Variants in KIAA1217 observed in about 807,000 individuals in gnomAD.
KIAA1217 encodes the protein KIAA1217, also known as sickle tail protein homolog.
A neutral mutation model predicts 163.9 loss-of-function variants in KIAA1217; 88 were observed. The ratio of observed to expected loss-of-function variants is 0.54; its 90% CI spans 0.45 to 0.64. The LOEUF is 0.64. Among genes scored for constraint, KIAA1217 ranks in the 30% least tolerant of loss-of-function variants. KIAA1217 has a pLI of 0.00. For missense variants in KIAA1217, 2,372 were observed against 2,475.0 expected, an observed-to-expected ratio of 0.96 and a Z score of 0.88; for synonymous variants, 903 against 923.1, an observed-to-expected ratio of 0.98 and a Z score of 0.39.
chr10:23,822,702 AG>A (rs1202734022), intron 1 of KIAA1217, among the ~76,000 whole-genome samples: 6 of 152,228 alleles, frequency 3.9e-5, no homozygotes, highest in Non-Finnish European at 7.3e-5. Context: ...GATTGCTTAA[AG>A]AAACAAAATG....
intron 2 of KIAA1217, among the ~76,000 whole-genome samples, chr10:24,155,920 T>C (rs778367063): frequency 2.0e-5 from 3 of 152,184 alleles, no homozygotes; most frequent in Non-Finnish European, 4.4e-5. Flanking sequence ...CTATTCTGAT[T>C]AGATAACTTC....
intron 6 of KIAA1217, chr10:24,481,799 G>A (rs1163737212): frequency 6.6e-6 from 1 of 152,182 alleles, no homozygotes; most frequent in Non-Finnish European, 1.5e-5. Flanking sequence ...CCAAAGTTAT[G>A]TGGGTCTCAG....
At chr10:24,206,607 A>G (rs989850242), upstream of KIAA1217, among the ~76,000 whole-genome samples, 3 of 152,256 alleles carry the variant, frequency 2.0e-5, no homozygotes, top group Admixed American at 6.5e-5. Flanking sequence ...ACAAAAGGCC[A>G]GTAAGTAATC....
intron 2 of KIAA1217, among the ~76,000 whole-genome samples, chr10:24,041,227 AC>A (rs1848619928): frequency 1.3e-5 from 2 of 152,228 alleles, no homozygotes; most frequent in Non-Finnish European, 2.9e-5. Flanking sequence ...GAGGTTGGAA[AC>A]AGCTTAACCT....
At chr10:23,946,284 A>AAAAAAT (rs1844038486) in intron 1 of KIAA1217, among the ~76,000 whole-genome samples, 2 of 150,340 alleles carry the variant, frequency 1.3e-5, no homozygotes, top group Non-Finnish European at 3.0e-5. Context: ...AAAAAAAAAA[A>AAAAAAT]GTAAAGGAGC....
chr10:24,422,895 A>G (rs2058846172), intron 3 of KIAA1217, among the ~76,000 whole-genome samples: 1 of 133,178 alleles, frequency 7.5e-6, no homozygotes, highest in African/African-American at 2.7e-5. Context: ...CTTCCTATAG[A>G]TTTAACTTTT....
chr10:23,863,732 C>G (rs925585227), intron 1 of KIAA1217, among the ~76,000 whole-genome samples: 16 of 152,264 alleles, frequency 1.1e-4, no homozygotes, highest in Admixed American at 4.6e-4. Flanking sequence ...CAGAGCCACC[C>G]TTGATATTGA....
intron 1 of KIAA1217, among the ~76,000 whole-genome samples, chr10:23,921,309 C>T (rs1842841037): frequency 6.6e-6 from 1 of 152,108 alleles, no homozygotes; most frequent in African/African-American, 2.4e-5. Flanking sequence ...GCAGCTGGAG[C>T]TCAAAACAGA....
At chr10:23,745,141 G>A (rs914455) in intron 1 of KIAA1217, among the ~76,000 whole-genome samples, 33,316 of 152,142 alleles carry the variant, frequency 0.22, 3,914 homozygotes, top group African/African-American at 0.29. Flanking sequence ...CCCCTTTAGA[G>A]CTCAATGTCT....
At chr10:24,003,125 G>GT (rs371276953) in intron 1 of KIAA1217, among the ~76,000 whole-genome samples, 2 of 152,090 alleles carry the variant, frequency 1.3e-5, no homozygotes. Flanking sequence ...GCATGCAAGT[G>GT]TTTTTTTGTT....
chr10:24,286,877 C>A (rs1208329974), intron 2 of KIAA1217, among the ~76,000 whole-genome samples: 2 of 152,146 alleles, frequency 1.3e-5, no homozygotes, highest in Non-Finnish European at 1.5e-5. Flanking sequence ...CTACCTGGTG[C>A]TAATTGGAAA....
At chr10:24,097,574 G>A (rs763016355) in intron 2 of KIAA1217, among the ~76,000 whole-genome samples, 46 of 151,870 alleles carry the variant, frequency 3.0e-4, no homozygotes, top group Non-Finnish European at 2.9e-4. Context: ...AGAGGAAGGC[G>A]AAAAGAAAAG....
intron 1 of KIAA1217, among the ~76,000 whole-genome samples, chr10:23,858,901 G>A (rs1007053467): frequency 3.3e-5 from 5 of 152,020 alleles, no homozygotes; most frequent in South Asian, 2.1e-4. Context: ...TCTCAAAATC[G>A]TCCTTACTTA....
chr10:23,720,770 G>C (rs960543150), intron 1 of KIAA1217, among the ~76,000 whole-genome samples: 1 of 152,090 alleles, frequency 6.6e-6, no homozygotes. Context: ...GTCTGTCCTG[G>C]TATTGGAAAA....
intron 2 of KIAA1217, among the ~76,000 whole-genome samples, chr10:24,075,536 T>C (rs1273363013): frequency 6.6e-6 from 1 of 152,130 alleles, no homozygotes; most frequent in Non-Finnish European, 1.5e-5. Flanking sequence ...TATGTTTATA[T>C]CGTCCCTTCC....
At chr10:24,231,828 C>T (rs1268167724) in intron 2 of KIAA1217, among the ~76,000 whole-genome samples, 6 of 150,262 alleles carry the variant, frequency 4.0e-5, no homozygotes, top group East Asian at 1.9e-4. Context: ...AGATGGAGTC[C>T]GGCTCTCTCA....
chr10:23,754,027 G>A (rs1456578606), intron 1 of KIAA1217, among the ~76,000 whole-genome samples: 1 of 152,110 alleles, frequency 6.6e-6, no homozygotes, highest in Non-Finnish European at 1.5e-5. Flanking sequence ...TCTCACTGGA[G>A]TTAACCCTTT....
chr10:23,804,814 C>T (rs1391483028), intron 1 of KIAA1217, among the ~76,000 whole-genome samples: 2 of 152,140 alleles, frequency 1.3e-5, no homozygotes, highest in East Asian at 3.8e-4. Context: ...GTCTGCTAGT[C>T]AACTGGCCCA....
intron 1 of KIAA1217, among the ~76,000 whole-genome samples, chr10:23,699,737 A>T (rs1326840885): frequency 6.6e-6 from 1 of 151,856 alleles, no homozygotes; most frequent in Non-Finnish European, 1.5e-5. Flanking sequence ...TGATCCTCAC[A>T]CCTTGGCCTC....
Sources: gnomAD v4.1 joint callset for allele counts (sites outside exome capture counted in the v4.1 genomes callset) on GRCh38, gnomAD v4.1.1 for gene constraint, MANE v1.5 for transcripts, NCBI Gene and HGNC (gene_info 2026-07-23, HGNC 2026-07-21) for gene names.